The following MIER1 variants were observed in gnomAD, a reference collection of about 807,000 sequenced individuals.
MIER1 encodes the protein MIER1 transcriptional regulator, also known as mesoderm induction early response protein 1.
In MIER1, 40 loss-of-function variants were observed where a neutral mutation model predicts 75.7. The observed-to-expected ratio is 0.53, with a 90% CI of 0.41 to 0.69. The LOEUF is 0.69. Ranked by LOEUF, MIER1 falls within the 30% of genes least tolerant of loss-of-function variation. The pLI is 0.00. For synonymous variants in MIER1, 213 were observed against 223.4 expected, an observed-to-expected ratio of 0.95 and a Z score of 0.42; for missense variants, 574 against 680.2, an observed-to-expected ratio of 0.84 and a Z score of 1.74.
chr1:66,939,276 G>A (rs575921587), intron 2 of MIER1, among the ~76,000 whole-genome samples: 2 of 152,186 alleles, frequency 1.3e-5, no homozygotes, highest in South Asian at 2.1e-4. Flanking sequence ...ACACAACTGC[G>A]CATTGTCAAG....
In MIER1 at chr1:66,948,736, A is replaced by T. The variant is rs148398839; in HGVS notation, c.339+2441A>T. On this transcript the variant is annotated intron_variant, in intron 4 of 13. Coordinates refer to ENST00000401041, the MANE Select transcript of MIER1 (RefSeq NM_001077700.3). ...AGTGAGACCACCATCTCTGCAAAAA[A>T]TTTTTTAAAAAGGTTAATTAGGCAT... Among the ~76,000 whole-genome samples, 35 of 152,222 alleles carry T rather than the reference A, an allele frequency of 2.3e-4. No homozygotes were observed. In the East Asian group the frequency reaches 4.2e-3, roughly 18 times the overall value.
intron 6 of MIER1, among the ~76,000 whole-genome samples, chr1:66,959,273 C>T (rs1019909126): frequency 6.6e-6 from 1 of 151,842 alleles, no homozygotes; most frequent in Non-Finnish European, 1.5e-5. Flanking sequence ...ATAGTCTTTC[C>T]CTTAGTTTCC....
At chr1:66,941,342 C>T (rs1395973765) in intron 3 of MIER1, among the ~76,000 whole-genome samples, 3 of 151,950 alleles carry the variant, frequency 2.0e-5, no homozygotes, top group African/African-American at 7.3e-5. Flanking sequence ...ATAAGTATAT[C>T]CTGGATGGTT....
intron 12 of MIER1, among the ~76,000 whole-genome samples, chr1:66,977,836 A>G (rs1665036901): frequency 6.6e-6 from 1 of 152,136 alleles, no homozygotes; most frequent in African/African-American, 2.4e-5. Flanking sequence ...ATAAAAATAA[A>G]AAAAAATTGA....
intron 8 of MIER1, among the ~76,000 whole-genome samples, chr1:66,967,597 T>G (rs1662682322): frequency 6.6e-6 from 1 of 152,186 alleles, no homozygotes; most frequent in Non-Finnish European, 1.5e-5. Context: ...GCATGGACAT[T>G]TTAACAACAC....
intron 2 of MIER1, among the ~76,000 whole-genome samples, chr1:66,934,405 C>CTTTCT (rs1553239851): frequency 5.9e-5 from 8 of 135,496 alleles, no homozygotes; most frequent in African/African-American, 1.9e-4. Context: ...TTCTTTCTTT[C>CTTTCT]TTTTTTTTTT....
intron 8 of MIER1, 37 bp downstream of exon 8, chr1:66,963,197 C>A: frequency 1.6e-6 from 2 of 1,284,386 alleles, no homozygotes; most frequent in Non-Finnish European, 2.3e-6. Flanking sequence ...TGAATTTATG[C>A]TTTCAGTGTA....
intron 2 of MIER1, chr1:66,930,317 T>C: frequency 6.3e-7 from 1 of 1,588,430 alleles, no homozygotes; most frequent in Non-Finnish European, 8.5e-7. Context: ...GTCCCGTTGC[T>C]GAGTCTCACA....
At chr1:66,968,474 T>C (rs777194696) in intron 8 of MIER1, among the ~76,000 whole-genome samples, 5 of 152,080 alleles carry the variant, frequency 3.3e-5, no homozygotes, top group Non-Finnish European at 5.9e-5. Context: ...TATCCTGATA[T>C]CTTTATTGTA....
At chr1:66,979,213 C>T (rs1220996928) in intron 12 of MIER1, among the ~76,000 whole-genome samples, 1 of 152,096 alleles carries the variant, frequency 6.6e-6, no homozygotes, top group Non-Finnish European at 1.5e-5. Context: ...CATTTCTTTC[C>T]AGATGGGGAT....
At chr1:66,930,037 C>T (rs1407867864) in intron 2 of MIER1, among the ~76,000 whole-genome samples, 2 of 152,210 alleles carry the variant, frequency 1.3e-5, no homozygotes, top group Non-Finnish European at 2.9e-5. Context: ...GGCGGATCAG[C>T]TGGAGCCAGC....
intron 1 of MIER1, 89 bp from the exon 2 acceptor site, chr1:66,926,053 C>A (rs1558003477): frequency 9.8e-7 from 1 of 1,017,168 alleles, no homozygotes; most frequent in Non-Finnish European, 1.5e-6. Context: ...TCCCGACCAT[C>A]TTTTTAAAAA....
chr1:66,947,980 G>T, intron 4 of MIER1: 3 of 984,794 alleles, frequency 3.0e-6, no homozygotes, highest in Non-Finnish European at 3.6e-6. Context: ...CCCCTAATTA[G>T]GTTTTAATTA....
chr1:66,953,028 T>TC (rs1411126375), intron 4 of MIER1, among the ~76,000 whole-genome samples: 13 of 152,342 alleles, frequency 8.5e-5, no homozygotes, highest in Admixed American at 7.2e-4. Flanking sequence ...AGTCTATGCT[T>TC]CTTTCTTAAG....
chr1:66,930,168 C>G, intron 2 of MIER1: 1 of 1,272,492 alleles, frequency 7.9e-7, no homozygotes. Flanking sequence ...CGCGTGCTCG[C>G]TGGTCTTTTC....
intron 1 of MIER1, chr1:66,925,301 C>T (rs1651280129): frequency 1.0e-6 from 1 of 985,248 alleles, no homozygotes; most frequent in Middle Eastern, 5.2e-4. Flanking sequence ...GCGCAGCTTC[C>T]TCCCTCTGGC....
chr1:66,975,749 G>A (rs1664582619), intron 11 of MIER1, among the ~76,000 whole-genome samples: 2 of 152,110 alleles, frequency 1.3e-5, no homozygotes, highest in African/African-American at 2.4e-5. Flanking sequence ...TAAGCCGCAA[G>A]AGTAACTTAG....
intron 4 of MIER1, among the ~76,000 whole-genome samples, chr1:66,956,078 C>G (rs897552624): frequency 6.6e-6 from 1 of 152,110 alleles, no homozygotes; most frequent in African/African-American, 2.4e-5. Context: ...ATCATAAATG[C>G]CTGACACATA....
rs1348655937 is a variant in MIER1, at chr1:66,951,361, G to A, written c.339+5066G>A. 2.6e-5 allele frequency among the ~76,000 whole-genome samples: 4 copies of A among 151,968 alleles called. 1 individual carries two copies. The highest frequency in any genetic ancestry group is 9.7e-5 in the African/African-American group (4 of 41,376). On this transcript the variant is annotated intron_variant, in intron 4 of 13. Transcript: ENST00000401041. ...CCAGGCTGGTCTTGAACTCCTGTGT[G>A]CAAGCAGTCCTCCCACTTCGGCCTC... is the stretch of plus-strand genomic sequence containing the variant.
Sources: gnomAD v4.1 joint callset for allele counts (sites outside exome capture counted in the v4.1 genomes callset) on GRCh38, gnomAD v4.1.1 for gene constraint, MANE v1.5 for transcripts, NCBI Gene and HGNC (gene_info 2026-07-23, HGNC 2026-07-21) for gene names.